Variants in CAPN5 observed in about 807,000 individuals in gnomAD.
The protein encoded by CAPN5 is calpain-5.
In CAPN5, 54 loss-of-function variants were observed where a neutral mutation model predicts 73.0. That is an observed-to-expected ratio of 0.74 (90% CI 0.59 to 0.93). The LOEUF (loss-of-function observed/expected upper bound fraction) is 0.93. CAPN5 is among the 40% of genes least tolerant of loss of function. The pLI is 0.00. For missense variants in CAPN5, 785 were observed against 882.9 expected (o/e 0.89, Z 1.41); for synonymous variants, 335 against 356.9 (o/e 0.94, Z 0.69).
At chr11:77,101,372 A>G (rs534110358) in intron 3 of CAPN5, among the ~76,000 whole-genome samples, 132 of 152,302 alleles carry the variant, frequency 8.7e-4, no homozygotes, top group African/African-American at 3.0e-3. Flanking sequence ...CTCCCATGGT[A>G]GTTCCTTAGC....
chr11:77,116,562 C>T (rs1353789060), intron 7 of CAPN5, among the ~76,000 whole-genome samples: 15 of 152,310 alleles, frequency 9.8e-5, no homozygotes, highest in Middle Eastern at 3.4e-3. Flanking sequence ...GCACCCAGAC[C>T]GAGCCTTTGG....
At chr11:77,104,414 G>A (rs576986643) in intron 3 of CAPN5, among the ~76,000 whole-genome samples, 2 of 152,306 alleles carry the variant, frequency 1.3e-5, no homozygotes, top group East Asian at 3.9e-4. Flanking sequence ...GCTGAGGGGG[G>A]CAGGGCGAAG....
chr11:77,069,896 G>C (rs1197249590), intron 1 of CAPN5, among the ~76,000 whole-genome samples: 7 of 152,126 alleles, frequency 4.6e-5, no homozygotes, highest in Admixed American at 4.6e-4. Flanking sequence ...CCCTCCTCCA[G>C]GCTGGTGGAG....
Position 77,115,434 on chromosome 11 carries a change from G to T in CAPN5, c.739G>T (p.Gly247Cys). The change falls in exon 6 of 13, where the codon GGC becomes TGC. Residue 247 changes from glycine to cysteine, a missense_variant. Transcript: ENST00000648180. ...TGACATGGAGGCCCGCCTGGCGTGC[G>T]GCCTGGTAAAGGGCCACGCATACGC... is the stretch of plus-strand genomic sequence containing the variant. Reference protein sequence around the residue: ...AADMEARLACGLVKGHAYAVT... With the variant: ...AADMEARLACCLVKGHAYAVT... 6.2e-7 allele frequency: 1 copy of T among 1,608,142 alleles called. No individual in the cohort carries two copies. Among genetic ancestry groups the T allele is most frequent in the Non-Finnish European group, 8.5e-7 (1 of 1,175,926 alleles).
At chr11:77,115,632 T>A in intron 6 of CAPN5, 44 bp downstream of exon 6, 1 of 1,541,630 alleles carries the variant, frequency 6.5e-7, no homozygotes, top group Non-Finnish European at 8.9e-7. Context: ...CATGAGGGCT[T>A]GGACAAGGAC....
intron 12 of CAPN5, 26 bp from the exon 13 acceptor site, chr11:77,123,662 T>A: frequency 1.3e-6 from 2 of 1,595,734 alleles, no homozygotes; most frequent in South Asian, 1.1e-5. Flanking sequence ...AGCCCGCCCC[T>A]CCCATGATCC....
chr11:77,072,355 C>T (rs1462235961), intron 1 of CAPN5, among the ~76,000 whole-genome samples: 1 of 152,224 alleles, frequency 6.6e-6, no homozygotes, highest in East Asian at 1.9e-4. Flanking sequence ...CCTTTGAGAG[C>T]AGATCTCGCT....
At chr11:77,094,031 G>C (rs1357966204) in intron 3 of CAPN5, among the ~76,000 whole-genome samples, 1 of 152,240 alleles carries the variant, frequency 6.6e-6, no homozygotes, top group Non-Finnish European at 1.5e-5. Flanking sequence ...AATCCGTCAG[G>C]CTCCCAAGGT....
rs1555040976 is a variant in CAPN5 at position 77,112,711 on chromosome 11, G to A, written c.420G>A (p.Leu140=). ...TGGACGTGGTCATCGATGACCGGCTGCCCACAGTCAACAACCAGCTCATCT... is the reference window on the plus strand; with the variant it reads ...TGGACGTGGTCATCGATGACCGGCTACCCACAGTCAACAACCAGCTCATCT... ...EWVDVVIDDR[L]PTVNNQLIYC... Residue 140 remains leucine, a synonymous_variant, in exon 4 of 13, where the codon CTG becomes CTA. Transcript: ENST00000648180. 6.2e-7 allele frequency: 1 copy of A among 1,614,234 alleles called. No individual in the cohort carries two copies. The highest frequency in any genetic ancestry group is 1.7e-5 in the Admixed American group (1 of 60,030).
At chr11:77,094,095 C>T (rs1296795458) in intron 3 of CAPN5, among the ~76,000 whole-genome samples, 2 of 152,240 alleles carry the variant, frequency 1.3e-5, no homozygotes, top group African/African-American at 4.8e-5. Context: ...GATTAATACA[C>T]ACCTGTGAAA....
chr11:77,088,612 C>G (rs968936172), intron 2 of CAPN5, among the ~76,000 whole-genome samples: 1 of 152,124 alleles, frequency 6.6e-6, no homozygotes, highest in Non-Finnish European at 1.5e-5. Flanking sequence ...CCTTCCCAGA[C>G]CTGTTTCCCA....
At chr11:77,099,473 A>G (rs1177547906) in intron 3 of CAPN5, among the ~76,000 whole-genome samples, 1 of 149,576 alleles carries the variant, frequency 6.7e-6, no homozygotes, top group Non-Finnish European at 1.5e-5. Flanking sequence ...TCCGTCTGCA[A>G]TCCCGGCACC....
At chr11:77,122,812 A>G in intron 12 of CAPN5, 100 bp downstream of exon 12, 2 of 1,482,000 alleles carry the variant, frequency 1.3e-6, no homozygotes, top group East Asian at 2.3e-5. Flanking sequence ...ACGAGGACCC[A>G]GGCATGCTGG....
chr11:77,086,815 G>A (rs1414171576), intron 2 of CAPN5, among the ~76,000 whole-genome samples: 1 of 152,250 alleles, frequency 6.6e-6, no homozygotes, highest in Non-Finnish European at 1.5e-5. Flanking sequence ...GTGAGGCCTG[G>A]CGGGAGCAGG....
intron 1 of CAPN5, among the ~76,000 whole-genome samples, chr11:77,074,412 C>T (rs543629354): frequency 6.6e-6 from 1 of 152,162 alleles, no homozygotes; most frequent in East Asian, 1.9e-4. Flanking sequence ...CCCTGTGCCA[C>T]ATTGTACCCT....
In CAPN5 at chr11:77,115,550, C is replaced by T; in HGVS notation, c.855C>T (p.Pro285=). 6.2e-7 allele frequency: 1 copy of T among 1,612,756 alleles called. No individual in the cohort carries two copies. Among genetic ancestry groups the T allele is most frequent in the Non-Finnish European group, 8.5e-7 (1 of 1,179,882 alleles). Residue 285 remains proline, a synonymous_variant, in exon 6 of 13, where the codon CCC becomes CCT. Coordinates refer to ENST00000648180, the MANE Select transcript of CAPN5 (RefSeq NM_004055.5). The stretch of plus-strand genomic sequence containing the variant: ...TGGACATGATCCGCCTGCGCAACCC[C>T]TGGGGCGAGCGGGAGTGGAACGGGC... ...EKLDMIRLRN[P]WGEREWNGPW... is the part of the protein sequence containing the mutation.
intron 5 of CAPN5, 143 bp from the exon 6 acceptor site, chr11:77,115,252 C>T: frequency 3.1e-6 from 2 of 639,638 alleles, no homozygotes; most frequent in Non-Finnish European, 5.3e-6. Flanking sequence ...TTTTAAAGCT[C>T]TGTGAACACA....
rs143254975 is a variant in CAPN5, at chr11:77,084,973, C to T, written c.87C>T (p.Asp29=). Residue 29 remains aspartate (D), a synonymous_variant, in exon 2 of 13, where the codon GAC becomes GAT. Coordinates refer to ENST00000648180, the MANE Select transcript of CAPN5 (RefSeq NM_004055.5). ...DCRRRKVLFE[D]PLFPATDDSL... Reference sequence around the variant, plus strand: ...GGCGCAGGAAGGTGCTCTTCGAGGACCCCCTCTTCCCCGCCACTGACGACT... The same window carrying T: ...GGCGCAGGAAGGTGCTCTTCGAGGATCCCCTCTTCCCCGCCACTGACGACT... 1.9e-5 allele frequency: 30 copies of T among 1,613,228 alleles called. No individual in the cohort carries two copies. The highest frequency in any genetic ancestry group is 2.2e-5 in the East Asian group (1 of 44,898).
rs149824890 is a variant in CAPN5 at position 77,120,545 on chromosome 11, G to T, written c.1291-168G>T. ...CATTCCCATTGACCTCTTCCCTTCA[G>T]CCCTGGGCAAACACGAATCCGCTTC... On this transcript the variant is annotated intron_variant, in intron 9 of 12. Coordinates refer to ENST00000648180, the MANE Select transcript of CAPN5 (RefSeq NM_004055.5). 1.4e-3 allele frequency: 776 copies of T among 544,816 alleles called. 5 individuals are homozygous for T. Among genetic ancestry groups the T allele is most frequent in the African/African-American group, 0.012 (663 of 53,070 alleles). The allele number at this position is 544,816 out of a possible 1,614,324, so 33.7% of individuals were successfully genotyped here. A position where few individuals can be genotyped will look rare whatever the true frequency, so the allele number is the denominator to read the frequency against.
Sources: gnomAD v4.1 joint callset for allele counts (sites outside exome capture counted in the v4.1 genomes callset) on GRCh38, gnomAD v4.1.1 for gene constraint, MANE v1.5 for transcripts, NCBI Gene and HGNC (gene_info 2026-07-23, HGNC 2026-07-21) for gene names.